Variants in MEN1 observed in about 807,000 individuals in gnomAD.
MEN1 encodes menin 1.
MEN1 carries 6 observed loss-of-function variants against 58.0 expected under a neutral mutation model. The ratio of observed to expected loss-of-function variants is 0.10; its 90% CI spans 0.06 to 0.20. The LOEUF is 0.20. Ranked by LOEUF, MEN1 falls within the 10% of genes least tolerant of loss-of-function variation. The pLI, the probability that MEN1 is intolerant of heterozygous loss-of-function variation, is 1.00. For synonymous variants in MEN1, 346 were observed against 350.7 expected (o/e 0.99, Z 0.15); for missense variants, 492 against 818.5 (o/e 0.60, Z 4.87).
rs1178775286 is a variant in MEN1 at position 64,807,285 on chromosome 11, G to C, written c.784-66C>G. 3 of 1,554,970 alleles carry C rather than the reference G, an allele frequency of 1.9e-6. No individual in the cohort carries two copies. Among genetic ancestry groups the C allele is most frequent in the Admixed American group, 3.6e-5 (2 of 55,172 alleles). On this transcript the variant is annotated intron_variant, in intron 4 of 9. Coordinates refer to ENST00000450708, the MANE Select transcript of MEN1 (RefSeq NM_001370259.2). The surrounding 1 kb of genome is among the most constrained non-coding windows in gnomAD (Gnocchi z 4.9). ...AGGAGAACGGGTCCTTAGCCTATCG[G>C]GCAGAGGTGGGGGTCAGAACCAACA...
intron 1 of MEN1, 81 bp from the exon 2 acceptor site, chr11:64,810,213 G>A (rs1942039722): frequency 1.2e-6 from 1 of 847,428 alleles, no homozygotes; most frequent in Non-Finnish European, 1.8e-6. Flanking sequence ...GGTTCCACCC[G>A]CCCCGACACA....
chr11:64,809,939 G>T lies in MEN1; in HGVS notation c.171C>A (p.Asn57Lys), dbSNP rs1171829753. The T allele has an allele frequency of 1.1e-5, 18 of 1,585,172 alleles. No homozygotes were observed. The highest frequency in any genetic ancestry group is 1.4e-5 in the Non-Finnish European group (16 of 1,165,806). Residue 57 changes from asparagine (N) to lysine (K), a missense_variant, in exon 2 of 10, where the codon AAC (asparagine) becomes AAA (lysine). Asn to Lys is a moderately conservative substitution (Grantham distance 94, BLOSUM62 0). Coordinates refer to ENST00000450708, the MANE Select transcript of MEN1 (RefSeq NM_001370259.2). ...FLAVNRVIPTNVPELTFQPSP... is the reference protein window; with the variant it reads ...FLAVNRVIPTKVPELTFQPSP... ...TGGGCTGGAAGGTGAGCTCGGGAAC[G>T]TTGGTAGGGATGACGCGGTTGACAG...
chr11:64,809,482 C>T lies in MEN1; in HGVS notation c.445+183G>A, dbSNP rs624975. On this transcript the variant is annotated intron_variant, in intron 2 of 9. Coordinates refer to ENST00000450708, the MANE Select transcript of MEN1 (RefSeq NM_001370259.2). ...TGATCAGGCTTCACTTCCAGCCCTG[C>T]CATGCCGTGTGTGACTTTGGCATAT... is the stretch of plus-strand genomic sequence containing the variant. Among the ~76,000 whole-genome samples the T allele has an allele frequency of 0.13, 19,392 of 152,040 alleles. 1,531 individuals are homozygous for T. Among genetic ancestry groups the T allele is most frequent in the East Asian group, 0.29 (1,484 of 5,172 alleles).
rs1592659343 is a variant in MEN1 at position 64,809,884 on chromosome 11, T to A, written c.226A>T (p.Thr76Ser). Reference sequence around the variant, plus strand: ...GACAGGTCGGCCACGGGAAAGTAGGTGAGGCCGCCAGGCGGGTCGGGGGCG... The same window carrying A: ...GACAGGTCGGCCACGGGAAAGTAGGAGAGGCCGCCAGGCGGGTCGGGGGCG... ...SPAPDPPGGL[T>S]YFPVADLSII... The change falls in exon 2 of 10, where the codon ACC becomes TCC. Residue 76 changes from threonine (T) to serine (S), a missense_variant. Thr to Ser is a moderately conservative substitution (Grantham distance 58). This residue lies in a region of MEN1 where 335 missense variants were observed against 550.3 expected (regional missense o/e 0.61). Transcript: ENST00000450708. The A allele has an allele frequency of 1.3e-6, 2 of 1,588,616 alleles. No homozygotes were observed. The highest frequency in any genetic ancestry group is 1.7e-6 in the Non-Finnish European group (2 of 1,169,492).
chr11:64,803,995 A>C lies in MEN1; in HGVS notation c.*339T>G. On this transcript the variant is annotated 3_prime_UTR_variant, in exon 10 of 10. Transcript: ENST00000450708. ...CTACAAGCTGGGAGGAGCCCTGAGT[A>C]ACGTTGGTCTGGCTCTAGGTGAGCG... is the stretch of plus-strand genomic sequence containing the variant. 2.3e-6 allele frequency: 1 copy of C among 426,516 alleles called. No individual in the cohort carries two copies. Among genetic ancestry groups the C allele is most frequent in the Admixed American group, 3.8e-5 (1 of 26,304 alleles). The allele number at this position is 426,516 out of a possible 1,614,324, so 26.4% of individuals were successfully genotyped here. A position where few individuals can be genotyped will look rare whatever the true frequency, so the allele number is the denominator to read the frequency against.
In MEN1 at chr11:64,804,983, G is replaced by A. The variant is rs1404153953; in HGVS notation, c.1350+51C>T. ...GGCCAGAAAAGTCTGACAAGCCCGTGGCTGCTGTCACCACCTGTAGTGCCC... is the reference window on the plus strand; with the variant it reads ...GGCCAGAAAAGTCTGACAAGCCCGTAGCTGCTGTCACCACCTGTAGTGCCC... On this transcript the variant is annotated intron_variant, in intron 9 of 9. Transcript: ENST00000450708. This position sits in a 1 kb window ranked among gnomAD's most constrained non-coding sequence, Gnocchi z 4.2. 6.2e-7 allele frequency: 1 copy of A among 1,608,070 alleles called. No individual in the cohort carries two copies. The highest frequency in any genetic ancestry group is 8.5e-7 in the Non-Finnish European group (1 of 1,179,586).
chr11:64,810,135 G>A lies in MEN1; in HGVS notation c.-23-3C>T, dbSNP rs1175729099. 4.7e-6 allele frequency: 3 copies of A among 637,722 alleles called. No homozygotes were observed. Among genetic ancestry groups the A allele is most frequent in the Non-Finnish European group, 7.7e-6 (3 of 388,624 alleles). The allele number at this position is 637,722 out of a possible 1,614,324, so 39.5% of individuals were successfully genotyped here. On this transcript the variant is annotated splice_region_variant and splice_polypyrimidine_tract_variant and intron_variant, in intron 1 of 9. Transcript: ENST00000450708. Reference sequence around the variant, plus strand: ...GGCGGCGGGCGGTGGGCGGCGGCCTGCAAGGCAAGCCGGGGGAGGGAGGGT... The same window carrying A: ...GGCGGCGGGCGGTGGGCGGCGGCCTACAAGGCAAGCCGGGGGAGGGAGGGT...
intron 8 of MEN1, 137 bp from the exon 9 acceptor site, chr11:64,805,335 C>T: frequency 9.5e-7 from 1 of 1,056,186 alleles, no homozygotes; most frequent in Non-Finnish European, 1.3e-6. Flanking sequence ...TTCTTAGAAC[C>T]TCTTTCCTTT....
At position 64,807,563 on chromosome 11, in the gene MEN1, G is replaced by C. The variant is rs886039416; in HGVS notation, c.772C>G (p.Gln258Glu). ...DLHTDSLELLQLQQKLLWLLY... is the reference protein window; with the variant it reads ...DLHTDSLELLELQQKLLWLLY... ...GGCTCAGCCCTCACCTGCTGCAGCT[G>C]CAGAAGCTCCAGCGAGTCGGTGTGC... The change falls in exon 4 of 10, where the codon CAG (glutamine) becomes GAG (glutamate). Residue 258 changes from glutamine (Q) to glutamate (E), a missense_variant. Physicochemically the swap from Gln to Glu is conservative, Grantham distance 29. Transcript: ENST00000450708. This position sits in a 1 kb window ranked among gnomAD's most constrained non-coding sequence, Gnocchi z 4.9. 1.2e-6 allele frequency: 2 copies of C among 1,614,128 alleles called. No individual in the cohort carries two copies. The highest frequency in any genetic ancestry group is 1.7e-6 in the Non-Finnish European group (2 of 1,180,012).
rs2136154828 is a variant in MEN1 at position 64,808,015 on chromosome 11, A to G, written c.530T>C (p.Leu177Pro). The G allele has an allele frequency of 1.9e-6, 3 of 1,614,190 alleles. No individual in the cohort carries two copies. The highest frequency in any genetic ancestry group is 2.5e-6 in the Non-Finnish European group (3 of 1,180,042). The change falls in exon 3 of 10, where the codon CTG becomes CCG. Residue 177 changes from leucine to proline, a missense_variant. By Grantham distance (98) the Leu-to-Pro change is moderately conservative. Around this residue, in one of 5 missense-constraint regions of MEN1, gnomAD observed 335 missense variants for 550.3 expected, o/e 0.61. Transcript: ENST00000450708. ...CACTACCCAGGCATGATCCTCAGAC[A>G]GGGCGAGGTGGACATCCCGGAGACC... ...ALGLRDVHLA[L>P]SEDHAWVVFG...
rs1941789202 is a variant in MEN1, at chr11:64,807,160, G to A, written c.824+19C>T. ...CCCCGGCCTCACCAGGCGCAGCCTG[G>A]CCACTTCCCTCTACTGACCTTTCCA... On this transcript the variant is annotated intron_variant, in intron 5 of 9. Transcript: ENST00000450708. The surrounding 1 kb of genome is among the most constrained non-coding windows in gnomAD (Gnocchi z 4.9). The A allele has an allele frequency of 6.2e-7, 1 of 1,613,964 alleles. No homozygotes were observed. Among genetic ancestry groups the A allele is most frequent in the Non-Finnish European group, 8.5e-7 (1 of 1,179,940 alleles).
Position 64,807,347 on chromosome 11 carries a change from G to A in MEN1, c.784-128C>T, listed in dbSNP as rs567076000. The A allele has an allele frequency of 8.4e-7, 1 of 1,186,880 alleles. No homozygotes were observed. The highest frequency in any genetic ancestry group is 2.5e-5 in the East Asian group (1 of 39,984). The allele number at this position is 1,186,880 out of a possible 1,614,324, so 73.5% of individuals were successfully genotyped here. ...CCATGTGGAAGGGCCAAAATTCTGGGACCAGCCCTTTAATGGAGTCAAAGC... is the reference window on the plus strand; with the variant it reads ...CCATGTGGAAGGGCCAAAATTCTGGAACCAGCCCTTTAATGGAGTCAAAGC... On this transcript the variant is annotated intron_variant, in intron 4 of 9. Transcript: ENST00000450708. The surrounding 1 kb of genome is among the most constrained non-coding windows in gnomAD (Gnocchi z 4.9).
At position 64,808,033 on chromosome 11, in the gene MEN1, C is replaced by T. The variant is rs607969; in HGVS notation, c.512G>A (p.Arg171Gln). The T allele has an allele frequency of 0.018, 28,438 of 1,614,078 alleles. 313 individuals are homozygous for T. Among genetic ancestry groups the T allele is most frequent in the Non-Finnish European group, 0.022 (25,846 of 1,180,014 alleles). The change falls in exon 3 of 10, where the codon CGG (arginine) becomes CAG (glutamine). Residue 171 changes from arginine to glutamine, a missense_variant. Coordinates refer to ENST00000450708, the MANE Select transcript of MEN1 (RefSeq NM_001370259.2). ...CTCAGACAGGGCGAGGTGGACATCCCGGAGACCCAGGGCCTGGCAGGCCCC... is the reference window on the plus strand; with the variant it reads ...CTCAGACAGGGCGAGGTGGACATCCTGGAGACCCAGGGCCTGGCAGGCCCC... ...VVGACQALGL[R>Q]DVHLALSEDH...
rs139436869 is a variant in MEN1, at chr11:64,807,360, A to G, written c.784-141T>C. ...CCAAAATTCTGGGACCAGCCCTTTA[A>G]TGGAGTCAAAGCAATTTCACATCTC... On this transcript the variant is annotated intron_variant, in intron 4 of 9. Transcript: ENST00000450708. The surrounding 1 kb of genome is among the most constrained non-coding windows in gnomAD (Gnocchi z 4.9). The G allele has an allele frequency of 2.6e-5, 30 of 1,134,782 alleles. No individual in the cohort carries two copies. The highest frequency in any genetic ancestry group is 3.9e-5 in the Non-Finnish European group (30 of 778,612). 70.3% of individuals were successfully genotyped at this position (1,134,782 alleles called of 1,614,324 possible). A position where few individuals can be genotyped will look rare whatever the true frequency, so the allele number is the denominator to read the frequency against.
At position 64,805,973 on chromosome 11, in the gene MEN1, G is replaced by T; in HGVS notation, c.1050-203C>A. On this transcript the variant is annotated intron_variant, in intron 7 of 9. Coordinates refer to ENST00000450708, the MANE Select transcript of MEN1 (RefSeq NM_001370259.2). ...TGGGGCCGAGGGTGGAAGTCCCACTGCTGGATGATGGTGGTTAAACATTGG... is the reference window on the plus strand; with the variant it reads ...TGGGGCCGAGGGTGGAAGTCCCACTTCTGGATGATGGTGGTTAAACATTGG... The T allele has an allele frequency of 1.1e-5, 7 of 660,946 alleles. No homozygotes were observed. The South Asian group carries it at 1.1e-4, about 10-fold the overall frequency. 40.9% of individuals were successfully genotyped at this position (660,946 alleles called of 1,614,324 possible).
chr11:64,804,269 G>A lies in MEN1; in HGVS notation c.*65C>T. 2 of 1,610,064 alleles carry A rather than the reference G, an allele frequency of 1.2e-6. No individual in the cohort carries two copies. Among genetic ancestry groups the A allele is most frequent in the Admixed American group, 1.7e-5 (1 of 60,028 alleles). On this transcript the variant is annotated 3_prime_UTR_variant, in exon 10 of 10. Transcript: ENST00000450708. This position sits in a 1 kb window ranked among gnomAD's most constrained non-coding sequence, Gnocchi z 4.2. Reference sequence around the variant, plus strand: ...CCTTTGGGCTGGGGGCAGAACATGGGCTCAGAGTTGGGGGACTAAGGGCGG... The same window carrying A: ...CCTTTGGGCTGGGGGCAGAACATGGACTCAGAGTTGGGGGACTAAGGGCGG...
chr11:64,810,198 G>C (rs1942038615), intron 1 of MEN1, 66 bp from the exon 2 acceptor site: 1 of 1,048,062 alleles, frequency 9.5e-7, no homozygotes, highest in African/African-American at 1.6e-5. Context: ...CCCAGGGTCC[G>C]CTAAGGTTCC....
intron 2 of MEN1, among the ~76,000 whole-genome samples, chr11:64,808,534 C>T (rs927930608): frequency 2.0e-5 from 3 of 152,346 alleles, no homozygotes; most frequent in African/African-American, 7.2e-5. Context: ...GAGAAGCAGC[C>T]TCTGATTCCT....
At chr11:64,805,917 G>T in intron 7 of MEN1, 147 bp from the exon 8 acceptor site, 1 of 835,128 alleles carries the variant, frequency 1.2e-6, no homozygotes, top group Non-Finnish European at 2.0e-6. Flanking sequence ...GGTCAGCCCA[G>T]AGGAAGAAAG....
Sources: allele counts gnomAD v4.1 joint callset (sites outside exome capture counted in the v4.1 genomes callset), GRCh38; gene constraint gnomAD v4.1.1; regional missense constraint gnomAD v4.1.1; non-coding constraint Gnocchi (gnomAD v3.1); transcripts MANE v1.5; gene names NCBI Gene and HGNC (gene_info 2026-07-23, HGNC 2026-07-21).